TLCD1: variants seen among roughly 807,000 people sequenced by gnomAD.
TLCD1 encodes TLC domain containing 1, also known as TLC domain-containing protein 1.
A neutral mutation model predicts 21.2 loss-of-function variants in TLCD1; 21 were observed. The observed-to-expected ratio is 0.99, with a 90% confidence interval of 0.70 to 1.42. TLCD1 has a LOEUF of 1.42. Among genes scored for constraint, TLCD1 ranks in the 40% most tolerant of loss-of-function variants. TLCD1 has a pLI of 0.00. For synonymous variants in TLCD1, 168 were observed against 134.8 expected, an observed-to-expected ratio of 1.25 and a Z score of -1.71; for missense variants, 344 against 330.3, an observed-to-expected ratio of 1.04 and a Z score of -0.32.
At chr17:28,726,313 G>GC (rs1383211681), upstream of TLCD1, 9 of 861,744 alleles carry the variant, frequency 1.0e-5, no homozygotes, top group Non-Finnish European at 1.2e-5. Context: ...CCGCCCGCCT[G>GC]CCCCCGCCCC....
intron 3 of TLCD1, 67 bp from the exon 4 acceptor site, chr17:28,724,960 T>G (rs2034191240): frequency 2.6e-6 from 4 of 1,543,096 alleles, no homozygotes; most frequent in African/African-American, 1.4e-5. Context: ...GTTTGGGGGG[T>G]GTGGCTATCA....
At chr17:28,726,348 C>T, upstream of TLCD1, 1 of 737,128 alleles carries the variant, frequency 1.4e-6, no homozygotes, top group Non-Finnish European at 1.7e-6. Flanking sequence ...GCCCCTCAGG[C>T]GCTGCTGCCG....
At position 28,724,624 on chromosome 17, in the gene TLCD1, G is replaced by T. The variant is rs765443360; in HGVS notation, c.630C>A (p.Ile210=). ...QRTLGTFLLG[I]LLMLDVMIII... is the part of the protein sequence containing the mutation. ...TGATCATCACGTCCAGCATGAGCAG[G>T]ATACCCAGCAGGAAGGTGCCCAGGG... Residue 210 remains isoleucine, a synonymous_variant, in exon 4 of 4, where the codon ATC becomes ATA. Transcript: ENST00000292090. 1 of 1,614,092 alleles carries T rather than the reference G, an allele frequency of 6.2e-7. No individual in the cohort carries two copies. The highest frequency in any genetic ancestry group is 1.3e-5 in the African/African-American group (1 of 74,918).
Position 28,725,401 on chromosome 17 carries a change from G to A in TLCD1, c.278-15C>T. 1 of 1,614,106 alleles carries A rather than the reference G, an allele frequency of 6.2e-7. No homozygotes were observed. The highest frequency in any genetic ancestry group is 1.1e-5 in the South Asian group (1 of 91,070). On this transcript the variant is annotated splice_polypyrimidine_tract_variant and intron_variant, in intron 2 of 3. Coordinates refer to ENST00000292090, the MANE Select transcript of TLCD1 (RefSeq NM_138463.4). ...GATGAAATACCCTAGTGGAGGGATG[G>A]GGCAAGAGATCATGAACTGAACAAG... is the stretch of plus-strand genomic sequence containing the variant.
In TLCD1 at chr17:28,724,399, A is replaced by G. The variant is rs556073532; in HGVS notation, c.*111T>C. 1.9e-4 allele frequency: 257 copies of G among 1,340,648 alleles called. No homozygotes were observed. Among genetic ancestry groups the G allele is most frequent in the Middle Eastern group, 2.7e-4 (1 of 3,750 alleles). The allele number at this position is 1,340,648 out of a possible 1,614,324, so 83.0% of individuals were successfully genotyped here. ...TTCAATAGTGTGGGCGCAGGCTCAGAAGGTGGAGAGGCTGGCCTCAGAGGA... is the reference window on the plus strand; with the variant it reads ...TTCAATAGTGTGGGCGCAGGCTCAGGAGGTGGAGAGGCTGGCCTCAGAGGA... On this transcript the variant is annotated 3_prime_UTR_variant, in exon 4 of 4. Transcript: ENST00000292090.
chr17:28,725,601 C>T, intron 1 of TLCD1, 38 bp from the exon 2 acceptor site: 1 of 1,598,784 alleles, frequency 6.3e-7, no homozygotes. Flanking sequence ...CATTTCGGCA[C>T]CCTCAAGGAC....
Position 28,724,728 on chromosome 17 carries a change from G to C in TLCD1, c.526C>G (p.Leu176Val). 6.2e-7 allele frequency: 1 copy of C among 1,614,146 alleles called. No homozygotes were observed. The highest frequency in any genetic ancestry group is 8.5e-7 in the Non-Finnish European group (1 of 1,180,038). The change falls in exon 4 of 4, where the codon CTG becomes GTG. Residue 176 changes from leucine to valine, a missense_variant. Leu to Val is a conservative substitution (Grantham distance 32). Transcript: ENST00000292090. Reference protein sequence around the residue: ...LLYRVNKYVNLVMYFLFRLAP... With the variant: ...LLYRVNKYVNVVMYFLFRLAP... ...AGGCGGAAGAGAAAGTACATGACCA[G>C]GTTCACATACTTGTTAACCCGGTAG...
rs138026905 is a variant in TLCD1 at position 28,725,911 on chromosome 17, G to C, written c.187C>G (p.Leu63Val). Reference sequence around the variant, plus strand: ...CCACAGTCGCTCACTCACCACAGCAGTGCCCAGATCCCCGACACAATGGAG... The same window carrying C: ...CCACAGTCGCTCACTCACCACAGCACTGCCCAGATCCCCGACACAATGGAG... Reference protein sequence around the residue: ...AHSIVSGIWALLCVWQTPDML... With the variant: ...AHSIVSGIWAVLCVWQTPDML... The change falls in exon 1 of 4, where the codon CTG (leucine) becomes GTG (valine). Residue 63 changes from leucine (L) to valine (V), a missense_variant. Transcript: ENST00000292090. 4.5e-4 allele frequency: 729 copies of C among 1,612,974 alleles called. No individual in the cohort carries two copies. Among genetic ancestry groups the C allele is most frequent in the Non-Finnish European group, 6.0e-4 (708 of 1,179,904 alleles).
At chr17:28,727,623 TC>T (rs67645830), upstream of TLCD1, 9,404 of 139,784 alleles carry the variant, frequency 0.067, 393 homozygotes, top group African/African-American at 0.11. Context: ...TTTCTTTCTT[TC>T]TTTTTTTTTT....
Position 28,724,486 on chromosome 17 carries a change from T to C in TLCD1, c.*24A>G. Reference sequence around the variant, plus strand: ...AAGCTGTTTCTGGCCTTGTCCGTTTTTGTTGTCCCAGGCTCTGTGCCCCTC... The same window carrying C: ...AAGCTGTTTCTGGCCTTGTCCGTTTCTGTTGTCCCAGGCTCTGTGCCCCTC... On this transcript the variant is annotated 3_prime_UTR_variant, in exon 4 of 4. Coordinates refer to ENST00000292090, the MANE Select transcript of TLCD1 (RefSeq NM_138463.4). 6.2e-7 allele frequency: 1 copy of C among 1,604,536 alleles called. No homozygotes were observed.
upstream of TLCD1, chr17:28,726,728 A>G: frequency 6.5e-7 from 1 of 1,547,152 alleles, no homozygotes; most frequent in Non-Finnish European, 8.7e-7. Context: ...CACCACTCGC[A>G]GTCTTCTGGC....
Position 28,726,127 on chromosome 17 carries a change from G to A in TLCD1, c.-30C>T, listed in dbSNP as rs1309695165. 6.3e-6 allele frequency: 9 copies of A among 1,422,478 alleles called. No individual in the cohort carries two copies. The East Asian group carries it at 2.5e-4, about 40-fold the overall frequency. 88.1% of individuals were successfully genotyped at this position (1,422,478 alleles called of 1,614,324 possible). On this transcript the variant is annotated 5_prime_UTR_variant, in exon 1 of 4. Coordinates refer to ENST00000292090, the MANE Select transcript of TLCD1 (RefSeq NM_138463.4). ...GCCCTCCCTGCCGTCCGCCCTCGAGGCCGCCTCCTAGGTCTGTTCTGGGAA... is the reference window on the plus strand; with the variant it reads ...GCCCTCCCTGCCGTCCGCCCTCGAGACCGCCTCCTAGGTCTGTTCTGGGAA...
upstream of TLCD1, chr17:28,726,317 C>T (rs1465830583): frequency 1.3e-5 from 12 of 948,274 alleles, no homozygotes; most frequent in Middle Eastern, 8.5e-4. Context: ...CCGCCTGCCC[C>T]CGCCCCGTCC....
chr17:28,724,929 G>C (rs373148925), intron 3 of TLCD1, 36 bp from the exon 4 acceptor site: 11 of 1,581,260 alleles, frequency 7.0e-6, no homozygotes, highest in Non-Finnish European at 8.6e-6. Flanking sequence ...AGGGAACCCA[G>C]ATGCAGACGC....
rs199910670 is a variant in TLCD1, at chr17:28,724,668, G to C, written c.586C>G (p.Arg196Gly). The change falls in exon 4 of 4, where the codon CGT becomes GGT. Residue 196 changes from arginine to glycine, a missense_variant. Transcript: ENST00000292090. ...CCCAGGGTCCTCTGGTTCACATAACGCAAGAAGAAATGGGTGAGGTAGGCC... is the reference window on the plus strand; with the variant it reads ...CCCAGGGTCCTCTGGTTCACATAACCCAAGAAGAAATGGGTGAGGTAGGCC... ...PQAYLTHFFLRYVNQRTLGTF... is the reference protein window; with the variant it reads ...PQAYLTHFFLGYVNQRTLGTF... 3.1e-6 allele frequency: 5 copies of C among 1,614,134 alleles called. No individual in the cohort carries two copies. The South Asian group carries it at 3.3e-5, about 11-fold the overall frequency.
In TLCD1 at chr17:28,724,366, T is replaced by G. The variant is rs2034172653; in HGVS notation, c.*144A>C. 5.8e-6 allele frequency: 6 copies of G among 1,036,530 alleles called. No individual in the cohort carries two copies. The highest frequency in any genetic ancestry group is 1.6e-5 in the African/African-American group (1 of 62,638). The allele number at this position is 1,036,530 out of a possible 1,614,324, so 64.2% of individuals were successfully genotyped here. A position where few individuals can be genotyped will look rare whatever the true frequency, so the allele number is the denominator to read the frequency against. On this transcript the variant is annotated 3_prime_UTR_variant, in exon 4 of 4. Transcript: ENST00000292090. ...CAAGGACTTCAGAGGAGTACTTTCA[T>G]TAGTGTTTTCAATAGTGTGGGCGCA...
chr17:28,725,564 C>G lies in TLCD1; in HGVS notation c.195-1G>C, dbSNP rs750881473. 6.2e-7 allele frequency: 1 copy of G among 1,614,050 alleles called. No individual in the cohort carries two copies. Among genetic ancestry groups the G allele is most frequent in the Admixed American group, 1.7e-5 (1 of 60,022 alleles). On this transcript the variant is annotated splice_acceptor_variant, in intron 1 of 3. Coordinates refer to ENST00000292090, the MANE Select transcript of TLCD1 (RefSeq NM_138463.4). LOFTEE classifies it high-confidence loss of function. Reference sequence around the variant, plus strand: ...TAACATGTCAGGAGTCTGCCATACACTGGAAAGGAGGGAAGAGGAGGCTCT... The same window carrying G: ...TAACATGTCAGGAGTCTGCCATACAGTGGAAAGGAGGGAAGAGGAGGCTCT...
At chr17:28,727,244 C>T (rs1222677449), upstream of TLCD1, 1 of 220,724 alleles carries the variant, frequency 4.5e-6, no homozygotes, top group African/African-American at 2.2e-5. Context: ...AAACCTGAGG[C>T]GCAAGGACCC....
rs765751756 is a variant in TLCD1, at chr17:28,725,898, A to G, written c.194+6T>C. 13 of 1,611,906 alleles carry G rather than the reference A, an allele frequency of 8.1e-6. No individual in the cohort carries two copies. In the Admixed American group the frequency reaches 1.0e-4, roughly 12 times the overall value. Reference sequence around the variant, plus strand: ...GGCCACCTCATTTCCACAGTCGCTCACTCACCACAGCAGTGCCCAGATCCC... The same window carrying G: ...GGCCACCTCATTTCCACAGTCGCTCGCTCACCACAGCAGTGCCCAGATCCC... On this transcript the variant is annotated splice_donor_region_variant and intron_variant, in intron 1 of 3. Coordinates refer to ENST00000292090, the MANE Select transcript of TLCD1 (RefSeq NM_138463.4).
Sources: gnomAD v4.1 joint callset for allele counts on GRCh38, gnomAD v4.1.1 for gene constraint, MANE v1.5 for transcripts, NCBI Gene and HGNC (gene_info 2026-07-23, HGNC 2026-07-21) for gene names.